Variants in CATIP observed in about 807,000 individuals in gnomAD.
CATIP encodes ciliogenesis associated TTC17 interacting protein.
Under a neutral mutation model 42.5 loss-of-function variants are expected in CATIP, and 40 were observed. That is an observed-to-expected ratio of 0.94 (90% CI 0.73 to 1.22). The LOEUF is 1.22. CATIP is among the 50% of genes most tolerant of loss of function. The pLI, the probability that CATIP is intolerant of heterozygous loss-of-function variation, is 0.00. For missense variants in CATIP, 489 were observed against 496.0 expected (o/e 0.99, Z 0.13); for synonymous variants, 222 against 200.2 (o/e 1.11, Z -0.92).
Position 218,368,027 on chromosome 2 carries a change from G to A in CATIP, c.*63G>A. On this transcript the variant is annotated 3_prime_UTR_variant, in exon 10 of 10. Coordinates refer to ENST00000289388, the MANE Select transcript of CATIP (RefSeq NM_198559.2). ...TCGGGCTGGGACGCGGGCGGGACGC[G>A]CCGGGGCGGGTGCGCTTTCCGGGCT... 6.9e-7 allele frequency: 1 copy of A among 1,443,010 alleles called. No individual in the cohort carries two copies. The highest frequency in any genetic ancestry group is 9.1e-7 in the Non-Finnish European group (1 of 1,104,564). The allele number at this position is 1,443,010 out of a possible 1,614,324, so 89.4% of individuals were successfully genotyped here.
intron 4 of CATIP, 119 bp downstream of exon 4, chr2:218,358,211 T>C: frequency 2.6e-6 from 2 of 781,474 alleles, no homozygotes; most frequent in South Asian, 1.7e-5. Context: ...AGCTGAAGAA[T>C]AGCAATCGTG....
chr2:218,358,503 G>A (rs1017268190), intron 4 of CATIP, among the ~76,000 whole-genome samples: 5 of 152,034 alleles, frequency 3.3e-5, no homozygotes, highest in Non-Finnish European at 5.9e-5. Context: ...AGAGATTGCC[G>A]TGAGCCGAGA....
rs369037645 is a variant in CATIP, at chr2:218,367,716, T to C, written c.922-6T>C. ...CGGCTGAGGCTCGGGCTCTGTCCCC[T>C]GCCAGGAGGAGCTCCGGCTCGGCCA... On this transcript the variant is annotated splice_region_variant and splice_polypyrimidine_tract_variant and intron_variant, in intron 9 of 9. Coordinates refer to ENST00000289388, the MANE Select transcript of CATIP (RefSeq NM_198559.2). The C allele has an allele frequency of 1.3e-6, 2 of 1,591,146 alleles. No homozygotes were observed. The highest frequency in any genetic ancestry group is 1.8e-5 in the Admixed American group (1 of 56,920).
At chr2:218,360,222 G>A (rs34491830) in intron 4 of CATIP, among the ~76,000 whole-genome samples, 44,840 of 151,024 alleles carry the variant, frequency 0.3, 6,885 homozygotes, top group Middle Eastern at 0.46. Flanking sequence ...GTGCGATCTC[G>A]GCTCACTGCA....
At chr2:218,363,861 A>G (rs1458847211) in intron 6 of CATIP, among the ~76,000 whole-genome samples, 3 of 152,218 alleles carry the variant, frequency 2.0e-5, no homozygotes, top group Non-Finnish European at 4.4e-5. Context: ...GAAGTGTAAC[A>G]TGTCCAACTT....
intron 6 of CATIP, among the ~76,000 whole-genome samples, chr2:218,363,302 A>C (rs1264982434): frequency 6.7e-6 from 1 of 149,300 alleles, no homozygotes; most frequent in Non-Finnish European, 1.5e-5. Flanking sequence ...AACATGGTGA[A>C]ACCCCGCCTC....
chr2:218,357,355 G>T (rs185682055), intron 2 of CATIP, 168 bp downstream of exon 2: 110 of 701,348 alleles, frequency 1.6e-4, no homozygotes, highest in African/African-American at 1.3e-3. Context: ...TCAAGGGAAG[G>T]CCCCCCGGGG....
chr2:218,357,123 G>T lies in CATIP; in HGVS notation c.54G>T (p.Ser18=). 1 of 1,613,552 alleles carries T rather than the reference G, an allele frequency of 6.2e-7. No individual in the cohort carries two copies. The change falls in exon 2 of 10, where the codon TCG becomes TCT. Residue 18 remains serine (S), a synonymous_variant. Transcript: ENST00000289388. ...TGSRAKDHQP[S]GPECLPLPEA... Reference sequence around the variant, plus strand: ...CCAGAGCTAAGGACCACCAGCCCTCGGGTCCGGAGTGTCTGCCACTCCCAG... The same window carrying T: ...CCAGAGCTAAGGACCACCAGCCCTCTGGTCCGGAGTGTCTGCCACTCCCAG...
Position 218,357,203 on chromosome 2 carries a change from G to A in CATIP, c.118+16G>A. The stretch of plus-strand genomic sequence containing the variant: ...AGCTCCCTCCGTGAGCTCAGACAGT[G>A]TCGGGGTTGGGGGTGCGGGAGGGGT... On this transcript the variant is annotated intron_variant, in intron 2 of 9. Coordinates refer to ENST00000289388, the MANE Select transcript of CATIP (RefSeq NM_198559.2). 1 of 1,603,766 alleles carries A rather than the reference G, an allele frequency of 6.2e-7. No homozygotes were observed. The highest frequency in any genetic ancestry group is 1.1e-5 in the South Asian group (1 of 90,608).
In CATIP at chr2:218,358,038, C is replaced by A. The variant is rs1695097077; in HGVS notation, c.321C>A (p.Gly107=). ...AATGCCTGTGTCCCTGCACCCCAGG[C>A]TATCTCTCAGAGAAGCTGGAGCTCA... ...DKMLCGNSLL[G]YLSEKLELME... Residue 107 remains glycine (G), a splice_region_variant and synonymous_variant, in exon 4 of 10, where the codon GGC becomes GGA. Transcript: ENST00000289388. 1.9e-6 allele frequency: 3 copies of A among 1,614,024 alleles called. No individual in the cohort carries two copies. The highest frequency in any genetic ancestry group is 2.5e-6 in the Non-Finnish European group (3 of 1,179,872).
intron 5 of CATIP, among the ~76,000 whole-genome samples, chr2:218,361,133 C>T (rs1695220333): frequency 1.3e-5 from 2 of 152,114 alleles, no homozygotes; most frequent in African/African-American, 4.8e-5. Context: ...GCCCAGCCTA[C>T]AGCTTGGTTT....
chr2:218,365,295 T>C lies in CATIP; in HGVS notation c.755+543T>C, dbSNP rs531418188. 2.6e-5 allele frequency among the ~76,000 whole-genome samples: 4 copies of C among 151,958 alleles called. No homozygotes were observed. The East Asian group carries it at 7.8e-4, about 29-fold the overall frequency. ...CAAGTGTGGTCGTGGGCGCCTGTAG[T>C]CCCAGCTACTCTGGAGGCTGAGGCA... On this transcript the variant is annotated intron_variant, in intron 7 of 9. Coordinates refer to ENST00000289388, the MANE Select transcript of CATIP (RefSeq NM_198559.2).
chr2:218,367,887 G>A lies in CATIP; in HGVS notation c.1087G>A (p.Ala363Thr), dbSNP rs142470785. 1,432 of 1,612,622 alleles carry A rather than the reference G, an allele frequency of 8.9e-4. 3 individuals carry two copies. The highest frequency in any genetic ancestry group is 1.1e-3 in the Non-Finnish European group (1,313 of 1,179,836). ...PFDPWRPSSPALGSSHRPNPF... is the reference protein window; with the variant it reads ...PFDPWRPSSPTLGSSHRPNPF... ...CGACCCGTGGCGTCCGTCGTCACCG[G>A]CCTTGGGCTCCTCCCACCGGCCCAA... The change falls in exon 10 of 10, where the codon GCC (alanine) becomes ACC (threonine). Residue 363 changes from alanine (A) to threonine (T), a missense_variant. Ala to Thr is a moderately conservative substitution (Grantham distance 58, BLOSUM62 0). Transcript: ENST00000289388.
At chr2:218,363,366 G>C in intron 6 of CATIP, among the ~76,000 whole-genome samples, 1 of 151,460 alleles carries the variant, frequency 6.6e-6, no homozygotes. Context: ...GGCGCCTGTA[G>C]TCCCAGCTAC....
At position 218,360,580 on chromosome 2, in the gene CATIP, T is replaced by C; in HGVS notation, c.383T>C (p.Ile128Thr). ...QHSQDFIKFL[I>T]LPMERKMSLL... ...GCATGCTCTGGCCCTCAGTTCCTCATCCTCCCCATGGAACGGAAGATGAGT... is the reference window on the plus strand; with the variant it reads ...GCATGCTCTGGCCCTCAGTTCCTCACCCTCCCCATGGAACGGAAGATGAGT... Residue 128 changes from isoleucine (I) to threonine (T), a missense_variant, in exon 5 of 10, where the codon ATC becomes ACC. Physicochemically the swap from Ile to Thr is moderately conservative, Grantham distance 89. Coordinates refer to ENST00000289388, the MANE Select transcript of CATIP (RefSeq NM_198559.2). The C allele has an allele frequency of 6.2e-7, 1 of 1,613,458 alleles. No homozygotes were observed.
intron 3 of CATIP, 130 bp from the exon 4 acceptor site, chr2:218,357,907 A>C (rs1044125759): frequency 4.7e-6 from 5 of 1,064,588 alleles, no homozygotes; most frequent in Non-Finnish European, 7.3e-6. Flanking sequence ...ATGAGGGCAC[A>C]TCTTACCCAT....
chr2:218,366,627 T>C, intron 7 of CATIP: 1 of 289,702 alleles, frequency 3.5e-6, no homozygotes, highest in South Asian at 2.9e-5. Context: ...CATGTAGGAG[T>C]CTGCTTAGGC....
At chr2:218,364,522 T>C in intron 6 of CATIP, 106 bp from the exon 7 acceptor site, 1 of 1,453,630 alleles carries the variant, frequency 6.9e-7, no homozygotes, top group Non-Finnish European at 9.3e-7. Flanking sequence ...CAATATTAAA[T>C]GTCTTGAGGT....
At position 218,367,973 on chromosome 2, in the gene CATIP, C is replaced by G; in HGVS notation, c.*9C>G. The G allele has an allele frequency of 6.4e-7, 1 of 1,552,712 alleles. No homozygotes were observed. On this transcript the variant is annotated 3_prime_UTR_variant, in exon 10 of 10. Coordinates refer to ENST00000289388, the MANE Select transcript of CATIP (RefSeq NM_198559.2). ...GCTCGGGGGCGGCCTAAGCGGGGCC[C>G]AGGCCCGGACAGGGCAGGAAACCAG...
Sources: allele counts gnomAD v4.1 joint callset (sites outside exome capture counted in the v4.1 genomes callset), GRCh38; gene constraint gnomAD v4.1.1; transcripts MANE v1.5; gene names NCBI Gene and HGNC (gene_info 2026-07-23, HGNC 2026-07-21).